NYAP1: variants seen among roughly 807,000 people sequenced by gnomAD.
NYAP1 encodes neuronal tyrosine phosphorylated phosphoinositide-3-kinase adaptor 1.
In NYAP1, 20 loss-of-function variants were observed where a neutral mutation model predicts 58.6. That is an observed-to-expected ratio of 0.34 (90% CI 0.24 to 0.50). The LOEUF is 0.50. Among genes scored for constraint, NYAP1 ranks in the 20% least tolerant of loss-of-function variants. The pLI is 0.98. For synonymous variants in NYAP1, 572 were observed against 523.1 expected (o/e 1.09, Z -1.27); for missense variants, 1,150 against 1,194.5 (o/e 0.96, Z 0.55).
Position 100,489,257 on chromosome 7 carries a change from C to A in NYAP1, c.1536C>A (p.Ser512Arg). The change falls in exon 4 of 7, where the codon AGC becomes AGA. Residue 512 changes from serine to arginine, a missense_variant. Coordinates refer to ENST00000300179, the MANE Select transcript of NYAP1 (RefSeq NM_173564.4). ...GGCCCCCTGTGCCAGGGAAGACCAG[C>A]CCCCACGGTGGGGCCATGGGCGCAG... ...SSRPPVPGKTSPHGGAMGAAA... is the reference protein window; with the variant it reads ...SSRPPVPGKTRPHGGAMGAAA... 6.2e-7 allele frequency: 1 copy of A among 1,602,838 alleles called. No individual in the cohort carries two copies. Among genetic ancestry groups the A allele is most frequent in the South Asian group, 1.1e-5 (1 of 89,740 alleles).
chr7:100,486,431 G>T lies in NYAP1; in HGVS notation c.69-390G>T, dbSNP rs1369089688. Among the ~76,000 whole-genome samples the T allele has an allele frequency of 1.3e-5, 2 of 152,140 alleles. No individual in the cohort carries two copies. Among genetic ancestry groups the T allele is most frequent in the African/African-American group, 4.8e-5 (2 of 41,432 alleles). On this transcript the variant is annotated intron_variant, in intron 2 of 6. Transcript: ENST00000300179. The surrounding 1 kb of genome is among the most constrained non-coding windows in gnomAD (Gnocchi z 6.2). Reference sequence around the variant, plus strand: ...GGCAGGAGGGGTAACCAGAGGCCAGGTGTGGGCCACTGTGAGAGTGAGAGG... The same window carrying T: ...GGCAGGAGGGGTAACCAGAGGCCAGTTGTGGGCCACTGTGAGAGTGAGAGG...
Sources: gnomAD v4.1 joint callset for allele counts (sites outside exome capture counted in the v4.1 genomes callset) on GRCh38, gnomAD v4.1.1 for gene constraint, Gnocchi (gnomAD v3.1) non-coding constraint, MANE v1.5 for transcripts, NCBI Gene and HGNC (gene_info 2026-07-23, HGNC 2026-07-21) for gene names.